The following PPHLN1 variants were observed in gnomAD, a reference collection of about 807,000 sequenced individuals.
PPHLN1 encodes the protein periphilin 1, also known as periphilin-1.
Under a neutral mutation model 51.3 loss-of-function variants are expected in PPHLN1, and 29 were observed. The observed-to-expected ratio is 0.57, with a 90% CI of 0.42 to 0.77. The LOEUF is 0.77. PPHLN1 is among the 30% of genes least tolerant of loss of function. The pLI, the probability that PPHLN1 is intolerant of heterozygous loss-of-function variation, is 0.00. For synonymous variants in PPHLN1, 147 were observed against 147.8 expected (o/e 0.99, Z 0.04); for missense variants, 436 against 438.4 (o/e 0.99, Z 0.05).
intron 8 of PPHLN1, among the ~76,000 whole-genome samples, chr12:42,394,999 A>G (rs1014719341): frequency 5.9e-5 from 9 of 152,114 alleles, no homozygotes; most frequent in Non-Finnish European, 1.3e-4. Flanking sequence ...ATGAACATTA[A>G]TAGTATATTT....
chr12:42,405,648 A>C (rs1476356415), intron 9 of PPHLN1, among the ~76,000 whole-genome samples: 1 of 151,472 alleles, frequency 6.6e-6, no homozygotes, highest in Admixed American at 6.6e-5. Flanking sequence ...AATATATGTT[A>C]TTTCTGTTTT....
rs78754791 is a variant in PPHLN1 at position 42,335,369 on chromosome 12, T to C, written c.-20-514T>C. Among the ~76,000 whole-genome samples, 1,384 of 152,284 alleles carry C rather than the reference T, an allele frequency of 9.1e-3. 23 individuals are homozygous for C. Among genetic ancestry groups the C allele is most frequent in the African/African-American group, 0.031 (1,287 of 41,540 alleles). ...GATTGTTGAGTGTGTTTTTGCAGGATTGTTCTTTTAACACTTTTTTCAGTT... is the reference window on the plus strand; with the variant it reads ...GATTGTTGAGTGTGTTTTTGCAGGACTGTTCTTTTAACACTTTTTTCAGTT... On this transcript the variant is annotated intron_variant, in intron 1 of 9. Transcript: ENST00000358314.
At chr12:42,366,407 T>C (rs920993427) in intron 4 of PPHLN1, among the ~76,000 whole-genome samples, 2 of 152,188 alleles carry the variant, frequency 1.3e-5, no homozygotes, top group Non-Finnish European at 1.5e-5. Context: ...TTTGTATTTT[T>C]AGTAGAGACG....
chr12:42,387,114 A>G (rs1046054076), intron 6 of PPHLN1: 2 of 162,294 alleles, frequency 1.2e-5, no homozygotes, highest in African/African-American at 4.8e-5. Flanking sequence ...ATTGTGATAT[A>G]TCAAAAATTA....
At chr12:42,381,112 C>A (rs1679038493) in intron 5 of PPHLN1, among the ~76,000 whole-genome samples, 1 of 152,096 alleles carries the variant, frequency 6.6e-6, no homozygotes. Context: ...TTAATAGTTC[C>A]CTGAAACATT....
At chr12:42,349,891 A>G (rs1178067788) in intron 2 of PPHLN1, among the ~76,000 whole-genome samples, 4 of 152,172 alleles carry the variant, frequency 2.6e-5, no homozygotes, top group Admixed American at 2.0e-4. Flanking sequence ...CGCCATCGTC[A>G]TCATGGCCCG....
intron 9 of PPHLN1, among the ~76,000 whole-genome samples, chr12:42,425,038 T>TTATGTATGTAAATATG (rs1555219757): frequency 7.3e-6 from 1 of 136,866 alleles, no homozygotes; most frequent in Non-Finnish European, 1.6e-5. Flanking sequence ...TTATTTTATT[T>TTATGTATGTAAATATG]TATGTATGTA....
intron 2 of PPHLN1, among the ~76,000 whole-genome samples, chr12:42,341,853 C>T (rs1396666977): frequency 6.6e-6 from 1 of 152,120 alleles, no homozygotes; most frequent in African/African-American, 2.4e-5. Context: ...GATCTCCTGA[C>T]CTCGTGATCC....
chr12:42,444,945 CAGAG>C (rs202073060), downstream of PPHLN1: 6,283 of 649,658 alleles, frequency 9.7e-3, 56 homozygotes, highest in Non-Finnish European at 0.014. Context: ...TACTAGTACT[CAGAG>C]AGCTGAGGTT....
intron 9 of PPHLN1, among the ~76,000 whole-genome samples, chr12:42,427,940 G>A (rs1328784212): frequency 6.6e-6 from 1 of 152,020 alleles, no homozygotes; most frequent in East Asian, 1.9e-4. Flanking sequence ...TCAAAAAGTG[G>A]GCTAAGGACA....
At chr12:42,400,961 C>T (rs1022174984) in intron 9 of PPHLN1, among the ~76,000 whole-genome samples, 1 of 152,074 alleles carries the variant, frequency 6.6e-6, no homozygotes, top group African/African-American at 2.4e-5. Context: ...CTGATTTCTC[C>T]ATATTTTTTA....
chr12:42,446,552 A>G (rs1439418505), downstream of PPHLN1: 10 of 1,607,890 alleles, frequency 6.2e-6, no homozygotes, highest in Non-Finnish European at 8.5e-6. Flanking sequence ...AATATTACTA[A>G]TTATACTCAT....
At chr12:42,385,780 CT>C (rs1346200676) in intron 6 of PPHLN1, among the ~76,000 whole-genome samples, 1 of 152,112 alleles carries the variant, frequency 6.6e-6, no homozygotes, top group Non-Finnish European at 1.5e-5. Flanking sequence ...AGTGCCTACC[CT>C]TTTCTTGAAG....
chr12:42,440,144 T>C (rs913263787), intron 9 of PPHLN1, among the ~76,000 whole-genome samples: 1 of 150,482 alleles, frequency 6.6e-6, no homozygotes, highest in Non-Finnish European at 1.5e-5. Flanking sequence ...ATTCTATTTA[T>C]TTATATCTTC....
intron 9 of PPHLN1, chr12:42,432,310 T>C (rs149310982): frequency 9.4e-6 from 7 of 747,434 alleles, no homozygotes; most frequent in East Asian, 7.4e-5. Flanking sequence ...CAATCTGTTA[T>C]GGCTGCTCAT....
intron 9 of PPHLN1, among the ~76,000 whole-genome samples, chr12:42,434,607 G>A (rs1566030085): frequency 6.6e-6 from 1 of 152,196 alleles, no homozygotes; most frequent in Non-Finnish European, 1.5e-5. Context: ...GGGAACTGAT[G>A]TGTGGGCATG....
At chr12:42,407,652 G>C (rs1272403375) in intron 9 of PPHLN1, among the ~76,000 whole-genome samples, 2 of 152,130 alleles carry the variant, frequency 1.3e-5, no homozygotes, top group Non-Finnish European at 2.9e-5. Flanking sequence ...CAAAATCCAT[G>C]GATGCTCAAA....
intron 9 of PPHLN1, among the ~76,000 whole-genome samples, chr12:42,414,825 G>A (rs2080227152): frequency 5.3e-5 from 8 of 152,086 alleles, no homozygotes; most frequent in Admixed American, 5.2e-4. Context: ...CTTAACGTTA[G>A]TTATATTCTT....
At chr12:42,330,957 C>T (rs1420868048) in intron 1 of PPHLN1, among the ~76,000 whole-genome samples, 1 of 152,220 alleles carries the variant, frequency 6.6e-6, no homozygotes, top group Non-Finnish European at 1.5e-5. Flanking sequence ...GATCCGCGCG[C>T]CTCGGCCTCC....
Sources: gnomAD v4.1 joint callset for allele counts (sites outside exome capture counted in the v4.1 genomes callset) on GRCh38, gnomAD v4.1.1 for gene constraint, MANE v1.5 for transcripts, NCBI Gene and HGNC (gene_info 2026-07-23, HGNC 2026-07-21) for gene names.